The following TRIM44 variants were observed in gnomAD, a reference collection of about 807,000 sequenced individuals.
The protein encoded by TRIM44 is tripartite motif containing 44.
A neutral mutation model predicts 37.4 loss-of-function variants in TRIM44; 13 were observed. That is an observed-to-expected ratio of 0.35 (90% CI 0.23 to 0.55). TRIM44 has a LOEUF of 0.55. Ranked by LOEUF, TRIM44 falls within the 20% of genes least tolerant of loss-of-function variation. TRIM44 has a pLI of 0.89. For missense variants in TRIM44, 426 were observed against 437.2 expected (o/e 0.97, Z 0.23); for synonymous variants, 175 against 157.2 (o/e 1.11, Z -0.85).
In TRIM44 at chr11:35,669,907, C is replaced by T. The variant is rs576796169; in HGVS notation, c.669+6127C>T. Among the ~76,000 whole-genome samples the T allele has an allele frequency of 4.6e-5, 7 of 152,242 alleles. No homozygotes were observed. In the East Asian group the frequency reaches 5.8e-4, roughly 13 times the overall value. On this transcript the variant is annotated intron_variant, in intron 1 of 4. Coordinates refer to ENST00000299413, the MANE Select transcript of TRIM44 (RefSeq NM_017583.6). Reference sequence around the variant, plus strand: ...GCGTGATCTTGCTCACTGCAACCTCCGCCTCCTGGGTTCAAGCAGTTCTCC... The same window carrying T: ...GCGTGATCTTGCTCACTGCAACCTCTGCCTCCTGGGTTCAAGCAGTTCTCC...
chr11:35,792,679 TA>T (rs1853230644), intron 4 of TRIM44, among the ~76,000 whole-genome samples: 1 of 152,138 alleles, frequency 6.6e-6, no homozygotes, highest in Admixed American at 6.6e-5. Context: ...GTTGCCAAAC[TA>T]GGGGTAAAAT....
intron 4 of TRIM44, among the ~76,000 whole-genome samples, chr11:35,737,273 C>T (rs753161416): frequency 6.6e-6 from 1 of 152,162 alleles, no homozygotes; most frequent in Non-Finnish European, 1.5e-5. Flanking sequence ...AAGCGCTATA[C>T]TGAAGGCAAT....
chr11:35,703,721 C>G (rs1851831688), intron 2 of TRIM44, among the ~76,000 whole-genome samples: 1 of 152,172 alleles, frequency 6.6e-6, no homozygotes, highest in Non-Finnish European at 1.5e-5. Flanking sequence ...AGAAGGAAAA[C>G]TAACAAACAG....
chr11:35,680,456 T>A (rs962375582), intron 1 of TRIM44, among the ~76,000 whole-genome samples: 1 of 152,112 alleles, frequency 6.6e-6, no homozygotes. Flanking sequence ...TTTTTTTTTT[T>A]AAATTCAACA....
chr11:35,760,443 C>G (rs947293394), intron 4 of TRIM44, among the ~76,000 whole-genome samples: 2 of 152,218 alleles, frequency 1.3e-5, no homozygotes, highest in South Asian at 2.1e-4. Context: ...TTGCGCTTCC[C>G]AGGTGAGGCG....
At position 35,807,222 on chromosome 11, in the gene TRIM44, A is replaced by G. The variant is rs1227131723; in HGVS notation, c.*837A>G. On this transcript the variant is annotated 3_prime_UTR_variant, in exon 5 of 5. Transcript: ENST00000299413. The stretch of plus-strand genomic sequence containing the variant: ...GTTTTATGGGCTTGTCACAACGTGA[A>G]GGGCTGGAATGTATATTACCAAATG... 1 of 152,206 alleles carries G rather than the reference A, an allele frequency of 6.6e-6. No homozygotes were observed. The highest frequency in any genetic ancestry group is 1.5e-5 in the Non-Finnish European group (1 of 68,036). The allele number at this position is 152,206 out of a possible 1,614,324, so 9.4% of individuals were successfully genotyped here.
At chr11:35,701,803 T>C (rs909343135) in intron 2 of TRIM44, among the ~76,000 whole-genome samples, 1 of 152,170 alleles carries the variant, frequency 6.6e-6, no homozygotes, top group Admixed American at 6.5e-5. Flanking sequence ...ACCCAAACTT[T>C]ATAGAGGAGA....
intron 4 of TRIM44, among the ~76,000 whole-genome samples, chr11:35,760,902 A>G (rs1590578148): frequency 6.6e-6 from 1 of 152,046 alleles, no homozygotes; most frequent in African/African-American, 2.4e-5. Flanking sequence ...TATTCCTTCT[A>G]CCTAGCTGTA....
chr11:35,757,542 T>C (rs1852661969), intron 4 of TRIM44, among the ~76,000 whole-genome samples: 1 of 152,238 alleles, frequency 6.6e-6, no homozygotes, highest in Admixed American at 6.5e-5. Flanking sequence ...TTCTGCTAAC[T>C]TTTGAATGTG....
chr11:35,722,482 G>T (rs1852121621), intron 2 of TRIM44, among the ~76,000 whole-genome samples: 1 of 152,224 alleles, frequency 6.6e-6, no homozygotes, highest in Non-Finnish European at 1.5e-5. Flanking sequence ...CCCAAGGGCT[G>T]CTGGTTGCCT....
chr11:35,775,736 T>A (rs535281390), intron 4 of TRIM44, among the ~76,000 whole-genome samples: 1 of 152,182 alleles, frequency 6.6e-6, no homozygotes, highest in Non-Finnish European at 1.5e-5. Flanking sequence ...ATCATTTGGT[T>A]TTTGTCTTTG....
intron 4 of TRIM44, among the ~76,000 whole-genome samples, chr11:35,780,527 G>A (rs1226886031): frequency 2.6e-5 from 4 of 152,188 alleles, no homozygotes; most frequent in Non-Finnish European, 5.9e-5. Flanking sequence ...GACAGGCAGA[G>A]GGGAACTAAC....
chr11:35,777,948 C>G (rs1852996350), intron 4 of TRIM44, among the ~76,000 whole-genome samples: 1 of 152,146 alleles, frequency 6.6e-6, no homozygotes, highest in South Asian at 2.1e-4. Context: ...AGTTGCTGTT[C>G]TCAAGGAGTA....
At chr11:35,736,352 A>T (rs577254889) in intron 4 of TRIM44, among the ~76,000 whole-genome samples, 1 of 152,262 alleles carries the variant, frequency 6.6e-6, no homozygotes, top group African/African-American at 2.4e-5. Flanking sequence ...TATTCTTCAA[A>T]ATAAACCCTG....
chr11:35,803,619 G>T (rs1006974858), intron 4 of TRIM44, among the ~76,000 whole-genome samples: 3 of 152,142 alleles, frequency 2.0e-5, no homozygotes, highest in Admixed American at 6.5e-5. Context: ...TACTCAGGAG[G>T]CTGAGGCAGG....
intron 2 of TRIM44, among the ~76,000 whole-genome samples, chr11:35,721,111 C>T (rs180973960): frequency 6.6e-6 from 1 of 152,124 alleles, no homozygotes; most frequent in Admixed American, 6.6e-5. Flanking sequence ...ACCATGTTGG[C>T]CGGGCTGGTC....
intron 2 of TRIM44, among the ~76,000 whole-genome samples, chr11:35,693,185 T>A (rs1186802294): frequency 6.6e-6 from 1 of 152,114 alleles, no homozygotes. Context: ...TACTCCTAAG[T>A]TAGGTTTTCA....
intron 4 of TRIM44, among the ~76,000 whole-genome samples, chr11:35,739,925 C>G (rs1852371143): frequency 6.6e-6 from 1 of 151,814 alleles, no homozygotes; most frequent in African/African-American, 2.4e-5. Context: ...ATGGTGAAAC[C>G]CCGTCTCTAT....
At chr11:35,707,115 A>C (rs1851896394) in intron 2 of TRIM44, among the ~76,000 whole-genome samples, 2 of 152,318 alleles carry the variant, frequency 1.3e-5, no homozygotes, top group South Asian at 4.1e-4. Flanking sequence ...CTTATACACC[A>C]ATAACAGACA....
Sources: allele counts gnomAD v4.1 joint callset (sites outside exome capture counted in the v4.1 genomes callset), GRCh38; gene constraint gnomAD v4.1.1; transcripts MANE v1.5; gene names NCBI Gene and HGNC (gene_info 2026-07-23, HGNC 2026-07-21).